PMS1: variants seen among roughly 807,000 people sequenced by gnomAD.
PMS1 encodes the protein PMS1 homolog 1, mismatch repair system component.
Under a neutral mutation model 93.1 loss-of-function variants are expected in PMS1, and 79 were observed. That is an observed-to-expected ratio of 0.85 (90% CI 0.71 to 1.02). The LOEUF is 1.02. PMS1 is among the 50% of genes least tolerant of loss of function. The pLI is 0.00. For synonymous variants in PMS1, 335 were observed against 363.4 expected (o/e 0.92, Z 0.89); for missense variants, 1,064 against 1,085.3 (o/e 0.98, Z 0.28).
chr2:189,809,519 A>G (rs1314632719), intron 4 of PMS1, among the ~76,000 whole-genome samples: 1 of 124,318 alleles, frequency 8.0e-6, no homozygotes, highest in Non-Finnish European at 1.6e-5. Context: ...AGACTTTTCC[A>G]TAAGTATGTT....
At chr2:189,813,779 G>A (rs916026766) in intron 4 of PMS1, among the ~76,000 whole-genome samples, 5 of 152,212 alleles carry the variant, frequency 3.3e-5, no homozygotes, top group African/African-American at 1.2e-4. Context: ...ATGAGAGGCT[G>A]ATGTGTCCAT....
chr2:189,873,751 G>A (rs984772242), intron 12 of PMS1, 95 bp downstream of exon 12: 37 of 845,950 alleles, frequency 4.4e-5, no homozygotes, highest in Admixed American at 6.2e-5. Context: ...GGAGGTGAGC[G>A]GCCTCCTAGC....
intron 2 of PMS1, among the ~76,000 whole-genome samples, chr2:189,792,984 AT>A (rs1032779499): frequency 2.0e-5 from 3 of 151,756 alleles, no homozygotes; most frequent in African/African-American, 7.3e-5. Flanking sequence ...AAATTTTTGT[AT>A]TTTTAGTAGA....
chr2:189,864,153 T>A lies in PMS1; in HGVS notation c.2267T>A (p.Leu756Gln). ...LLNPYRVEEA[L>Q]LFKRLLENHK... ...AATCCATATAGAGTAGAAGAAGCCC[T>A]GCTATTTAAAAGACTTCTTGAGAAT... The change falls in exon 10 of 13, where the codon CTG becomes CAG. Residue 756 changes from leucine (L) to glutamine (Q), a missense_variant. Physicochemically the swap from Leu to Gln is moderately radical, Grantham distance 113. Coordinates refer to ENST00000441310, the MANE Select transcript of PMS1 (RefSeq NM_000534.5). 1.2e-6 allele frequency: 2 copies of A among 1,611,576 alleles called. No homozygotes were observed. The highest frequency in any genetic ancestry group is 1.7e-6 in the Non-Finnish European group (2 of 1,178,026).
chr2:189,785,658 AG>A (rs1458527488), intron 1 of PMS1, among the ~76,000 whole-genome samples: 3 of 152,298 alleles, frequency 2.0e-5, no homozygotes, highest in South Asian at 4.1e-4. Flanking sequence ...AATGAGGTAA[AG>A]GGGGACTGCA....
chr2:189,876,461 G>A (rs1382273896), intron 12 of PMS1, among the ~76,000 whole-genome samples: 2 of 152,074 alleles, frequency 1.3e-5, no homozygotes, highest in Non-Finnish European at 2.9e-5. Context: ...TGTCCTAGAG[G>A]GTGATCTGGC....
At chr2:189,803,152 C>G (rs941258999) in intron 3 of PMS1, among the ~76,000 whole-genome samples, 1 of 152,152 alleles carries the variant, frequency 6.6e-6, no homozygotes, top group African/African-American at 2.4e-5. Flanking sequence ...CAGTTTTCAT[C>G]TAAAACTTAG....
chr2:189,792,660 G>A (rs963184600), intron 2 of PMS1, among the ~76,000 whole-genome samples: 13 of 136,190 alleles, frequency 9.5e-5, no homozygotes, highest in African/African-American at 3.7e-4. Context: ...GATTCTATGA[G>A]ATAAACATGT....
intron 5 of PMS1, among the ~76,000 whole-genome samples, chr2:189,833,678 A>T (rs2053148695): frequency 1.3e-5 from 2 of 152,154 alleles, no homozygotes; most frequent in South Asian, 4.1e-4. Context: ...TAAACTTTAA[A>T]TGTTATAATG....
chr2:189,805,782 T>G (rs2050284950), intron 4 of PMS1, 28 bp downstream of exon 4: 2 of 1,612,738 alleles, frequency 1.2e-6, no homozygotes, highest in Non-Finnish European at 1.7e-6. Flanking sequence ...TATACAAACA[T>G]TCTTTACCTT....
chr2:189,877,409 T>C lies in PMS1; in HGVS notation c.2772T>C (p.His924=), dbSNP rs1299032115. 2 of 1,612,646 alleles carry C rather than the reference T, an allele frequency of 1.2e-6. No homozygotes were observed. Among genetic ancestry groups the C allele is most frequent in the South Asian group, 1.1e-5 (1 of 91,052 alleles). Residue 924 remains histidine (H), a synonymous_variant, in exon 13 of 13, where the codon CAT becomes CAC. Coordinates refer to ENST00000441310, the MANE Select transcript of PMS1 (RefSeq NM_000534.5). ...ECVHGRPFFH[H]LTYLPETT ...TTCATGGTCGCCCATTTTTTCATCA[T>C]TTAACCTATCTTCCAGAAACTACAT...
At chr2:189,785,141 A>G (rs1158567029) in intron 1 of PMS1, among the ~76,000 whole-genome samples, 1 of 152,170 alleles carries the variant, frequency 6.6e-6, no homozygotes, top group Non-Finnish European at 1.5e-5. Context: ...CAGTGCAGAA[A>G]GTTTGTGATT....
In PMS1 at chr2:189,818,076, T is replaced by C; in HGVS notation, c.478T>C (p.Ser160Pro). 6.2e-7 allele frequency: 1 copy of C among 1,603,744 alleles called. No individual in the cohort carries two copies. The highest frequency in any genetic ancestry group is 8.5e-7 in the Non-Finnish European group (1 of 1,171,002). Reference sequence around the variant, plus strand: ...TCTACCTGTAAGAAAGCAGTTTTACTCAACTGCAAAAAAATGTAAAGATGA... The same window carrying C: ...TCTACCTGTAAGAAAGCAGTTTTACCCAACTGCAAAAAAATGTAAAGATGA... ...KNLPVRKQFY[S>P]TAKKCKDEIK... Residue 160 changes from serine to proline, a missense_variant, in exon 5 of 13, where the codon TCA becomes CCA. Transcript: ENST00000441310.
At chr2:189,825,199 G>A (rs2052323731) in intron 5 of PMS1, among the ~76,000 whole-genome samples, 1 of 152,130 alleles carries the variant, frequency 6.6e-6, no homozygotes, top group Admixed American at 6.5e-5. Context: ...GGTTATGTTA[G>A]AAAGAGGTAT....
intron 4 of PMS1, among the ~76,000 whole-genome samples, chr2:189,814,078 T>C (rs1189582504): frequency 1.3e-5 from 2 of 152,204 alleles, no homozygotes; most frequent in African/African-American, 2.4e-5. Context: ...GCTAAATGCA[T>C]GCATTTCTTG....
Position 189,853,936 on chromosome 2 carries a change from T to C in PMS1, c.823-3T>C. Reference sequence around the variant, plus strand: ...TTCTTTTATTTATTACATGTATTTCTAGTTAATCCGACATCATTACAATCT... The same window carrying C: ...TTCTTTTATTTATTACATGTATTTCCAGTTAATCCGACATCATTACAATCT... On this transcript the variant is annotated splice_polypyrimidine_tract_variant and splice_region_variant and intron_variant, in intron 7 of 12. Transcript: ENST00000441310. 2 of 1,532,228 alleles carry C rather than the reference T, an allele frequency of 1.3e-6. No individual in the cohort carries two copies. Among genetic ancestry groups the C allele is most frequent in the South Asian group, 2.4e-5 (2 of 84,848 alleles). 94.9% of individuals were successfully genotyped at this position (1,532,228 alleles called of 1,614,324 possible).
intron 5 of PMS1, among the ~76,000 whole-genome samples, chr2:189,839,209 T>C (rs1205715218): frequency 6.6e-6 from 1 of 152,166 alleles, no homozygotes; most frequent in Admixed American, 6.5e-5. Flanking sequence ...CCAGCTGGTC[T>C]TGAACTCCTG....
chr2:189,871,369 G>A (rs2057132091), intron 11 of PMS1, among the ~76,000 whole-genome samples: 1 of 152,146 alleles, frequency 6.6e-6, no homozygotes, highest in African/African-American at 2.4e-5. Flanking sequence ...TTACAAATTT[G>A]TGTTGGGCTG....
At chr2:189,799,880 G>A (rs1016102135) in intron 3 of PMS1, among the ~76,000 whole-genome samples, 1 of 152,202 alleles carries the variant, frequency 6.6e-6, no homozygotes, top group African/African-American at 2.4e-5. Context: ...ATGCCCACTG[G>A]TGATCATCCC....
Sources: gnomAD v4.1 joint callset for allele counts (sites outside exome capture counted in the v4.1 genomes callset) on GRCh38, gnomAD v4.1.1 for gene constraint, MANE v1.5 for transcripts, NCBI Gene and HGNC (gene_info 2026-07-23, HGNC 2026-07-21) for gene names.